SPPL3: variants seen among roughly 807,000 people sequenced by gnomAD.
The protein encoded by SPPL3 is signal peptide peptidase like 3.
Under a neutral mutation model 42.4 loss-of-function variants are expected in SPPL3, and 5 were observed. The observed-to-expected ratio is 0.12, with a 90% confidence interval of 0.06 to 0.25. SPPL3 has a LOEUF of 0.25. SPPL3 is among the 10% of genes least tolerant of loss of function. SPPL3 has a pLI of 1.00. For missense variants in SPPL3, 235 were observed against 489.0 expected, an observed-to-expected ratio of 0.48 and a Z score of 4.90; for synonymous variants, 195 against 181.8, an observed-to-expected ratio of 1.07 and a Z score of -0.58.
chr12:120,894,023 A>G (rs113241811), intron 1 of SPPL3, among the ~76,000 whole-genome samples: 1,543 of 152,312 alleles, frequency 0.01, 21 homozygotes, highest in African/African-American at 0.035. Context: ...GCAAGCGGTT[A>G]TAAGAAATGA....
chr12:120,770,746 C>T (rs537325507), intron 6 of SPPL3, among the ~76,000 whole-genome samples: 2 of 152,324 alleles, frequency 1.3e-5, no homozygotes, highest in Admixed American at 1.3e-4. Flanking sequence ...TCTCAGTGAT[C>T]TCGTCCAATC....
chr12:120,785,891 C>A (rs1592961299), intron 3 of SPPL3, among the ~76,000 whole-genome samples: 2 of 130,670 alleles, frequency 1.5e-5, no homozygotes. Context: ...GTGGGAGGAT[C>A]ACTTGAGCCC....
chr12:120,812,485 T>C lies in SPPL3; in HGVS notation c.24-1599A>G, dbSNP rs189109297. 9.2e-5 allele frequency among the ~76,000 whole-genome samples: 14 copies of C among 152,300 alleles called. No homozygotes were observed. In the East Asian group the frequency reaches 9.7e-4, roughly 11 times the overall value. ...AATGTACTGAGGAGACAAGTGGATA[T>C]TGAAACCGTTCTGAGCTGAAGATGT... On this transcript the variant is annotated intron_variant, in intron 1 of 10. Coordinates refer to ENST00000353487, the MANE Select transcript of SPPL3 (RefSeq NM_139015.5).
intron 1 of SPPL3, among the ~76,000 whole-genome samples, chr12:120,862,938 G>C (rs1220590432): frequency 6.6e-6 from 1 of 152,170 alleles, no homozygotes; most frequent in African/African-American, 2.4e-5. Flanking sequence ...AGGGTTGAAA[G>C]GGACTTCTCA....
intron 1 of SPPL3, among the ~76,000 whole-genome samples, chr12:120,870,297 T>G (rs1284115801): frequency 6.6e-6 from 1 of 151,078 alleles, no homozygotes. Flanking sequence ...AATACAAAAT[T>G]AGCTGGTCGT....
At chr12:120,795,058 C>T (rs962885784) in intron 2 of SPPL3, among the ~76,000 whole-genome samples, 1 of 152,112 alleles carries the variant, frequency 6.6e-6, no homozygotes, top group Admixed American at 6.6e-5. Flanking sequence ...ATGCATTTAA[C>T]TCTTACATGT....
chr12:120,886,469 C>T (rs1873464579), intron 1 of SPPL3, among the ~76,000 whole-genome samples: 1 of 152,178 alleles, frequency 6.6e-6, no homozygotes, highest in African/African-American at 2.4e-5. Flanking sequence ...AACTGATACA[C>T]AACAGGCCAA....
chr12:120,767,562 T>C lies in SPPL3; in HGVS notation c.805A>G (p.Ile269Val). The C allele has an allele frequency of 1.2e-6, 2 of 1,614,230 alleles. No individual in the cohort carries two copies. Among genetic ancestry groups the C allele is most frequent in the South Asian group, 1.1e-5 (1 of 91,086 alleles). ...AGACCAGGCATAACGATGTCTCCGA[T>C]GCCCAACATGGAGAAGTGGCTGCCA... ...STGSHFSMLG[I>V]GDIVMPGLLL... Residue 269 changes from isoleucine (I) to valine (V), a missense_variant, in exon 9 of 11, where the codon ATC (isoleucine) becomes GTC (valine). Coordinates refer to ENST00000353487, the MANE Select transcript of SPPL3 (RefSeq NM_139015.5).
chr12:120,788,932 C>A (rs1342168145), intron 3 of SPPL3, among the ~76,000 whole-genome samples: 2 of 152,186 alleles, frequency 1.3e-5, no homozygotes, highest in Non-Finnish European at 2.9e-5. Flanking sequence ...TTGATAAATT[C>A]ATCCTGTTTT....
At chr12:120,902,423 C>T (rs1436074319) in intron 1 of SPPL3, among the ~76,000 whole-genome samples, 3 of 152,114 alleles carry the variant, frequency 2.0e-5, no homozygotes, top group Non-Finnish European at 2.9e-5. Flanking sequence ...CTGATATTAC[C>T]CATTTCTTAG....
intron 2 of SPPL3, among the ~76,000 whole-genome samples, chr12:120,798,442 A>T (rs1050885019): frequency 6.6e-6 from 1 of 152,214 alleles, no homozygotes; most frequent in African/African-American, 2.4e-5. Context: ...TATTTTGCAT[A>T]TATTTCCCCT....
intron 6 of SPPL3, among the ~76,000 whole-genome samples, chr12:120,777,109 C>T (rs1004772164): frequency 1.3e-5 from 2 of 152,104 alleles, no homozygotes; most frequent in Admixed American, 1.3e-4. Flanking sequence ...ATGTGGTTCA[C>T]AGTCATCCAA....
intron 2 of SPPL3, among the ~76,000 whole-genome samples, chr12:120,805,751 T>C (rs927429898): frequency 1.3e-5 from 2 of 152,002 alleles, no homozygotes; most frequent in Non-Finnish European, 2.9e-5. Flanking sequence ...AAAAAATTCA[T>C]CAAAAATAAC....
At chr12:120,829,525 G>A (rs1450091252) in intron 1 of SPPL3, among the ~76,000 whole-genome samples, 1 of 152,102 alleles carries the variant, frequency 6.6e-6, no homozygotes. Flanking sequence ...GGACCTAGGG[G>A]GCAGGGGTTG....
At chr12:120,827,355 T>TAATA (rs1292632080) in intron 1 of SPPL3, among the ~76,000 whole-genome samples, 37 of 138,694 alleles carry the variant, frequency 2.7e-4, no homozygotes, top group African/African-American at 1.0e-3. Flanking sequence ...ATAATAATAA[T>TAATA]ATAATAATAT....
At chr12:120,778,190 C>T (rs1465141839) in intron 6 of SPPL3, among the ~76,000 whole-genome samples, 2 of 126,700 alleles carry the variant, frequency 1.6e-5, no homozygotes, top group Admixed American at 1.9e-4. Context: ...GATCTCGGCT[C>T]ACTGCAACCT....
chr12:120,785,737 G>A (rs1395994107), intron 3 of SPPL3, among the ~76,000 whole-genome samples: 1 of 151,476 alleles, frequency 6.6e-6, no homozygotes, highest in African/African-American at 2.4e-5. Flanking sequence ...TTGAAAGGCT[G>A]AGGCAGGAGG....
At chr12:120,805,777 A>G (rs1592971666) in intron 2 of SPPL3, among the ~76,000 whole-genome samples, 1 of 152,226 alleles carries the variant, frequency 6.6e-6, no homozygotes, top group East Asian at 1.9e-4. Flanking sequence ...AAAGTAAAAA[A>G]ATACTTAGGA....
At chr12:120,843,326 G>A (rs1161706083) in intron 1 of SPPL3, among the ~76,000 whole-genome samples, 1 of 152,092 alleles carries the variant, frequency 6.6e-6, no homozygotes, top group Non-Finnish European at 1.5e-5. Context: ...TATAATCACC[G>A]TCTCCTTCAC....
Sources: gnomAD v4.1 joint callset for allele counts (sites outside exome capture counted in the v4.1 genomes callset) on GRCh38, gnomAD v4.1.1 for gene constraint, MANE v1.5 for transcripts, NCBI Gene and HGNC (gene_info 2026-07-23, HGNC 2026-07-21) for gene names.